The following GPR158 variants were observed in gnomAD, a reference collection of about 807,000 sequenced individuals.
The protein encoded by GPR158 is G protein-coupled receptor 158, also known as metabotropic glycine receptor.
A neutral mutation model predicts 78.2 loss-of-function variants in GPR158; 30 were observed. The observed-to-expected ratio is 0.38, with a 90% CI of 0.29 to 0.52. The LOEUF (loss-of-function observed/expected upper bound fraction) is 0.52, where lower values mean the gene tolerates loss of function less well. GPR158 is among the 20% of genes least tolerant of loss of function. GPR158 has a pLI of 0.83. For synonymous variants in GPR158, 581 were observed against 591.1 expected, an observed-to-expected ratio of 0.98 and a Z score of 0.25; for missense variants, 1,463 against 1,523.5, an observed-to-expected ratio of 0.96 and a Z score of 0.66.
chr10:25,542,463 G>A (rs1201205482), intron 5 of GPR158, among the ~76,000 whole-genome samples: 2 of 152,160 alleles, frequency 1.3e-5, no homozygotes, highest in Non-Finnish European at 2.9e-5. Context: ...GAGCAGAAAT[G>A]GTGGAGATTA....
chr10:25,378,106 T>C (rs1303774872), intron 2 of GPR158, among the ~76,000 whole-genome samples: 1 of 152,148 alleles, frequency 6.6e-6, no homozygotes. Context: ...GTTATTTTTT[T>C]AAAACTCTTA....
At chr10:25,493,599 G>A (rs1564470618) in intron 5 of GPR158, among the ~76,000 whole-genome samples, 1 of 152,136 alleles carries the variant, frequency 6.6e-6, no homozygotes, top group African/African-American at 2.4e-5. Flanking sequence ...GATAAACAGA[G>A]CAGAAATAAA....
intron 4 of GPR158, among the ~76,000 whole-genome samples, chr10:25,412,787 T>G (rs935812513): frequency 6.6e-6 from 1 of 152,218 alleles, no homozygotes; most frequent in African/African-American, 2.4e-5. Flanking sequence ...CAGCATCCAA[T>G]GTATTATTAA....
intron 1 of GPR158, 32 bp from the exon 2 acceptor site, chr10:25,221,020 A>C: frequency 5.5e-6 from 6 of 1,099,824 alleles, no homozygotes; most frequent in Non-Finnish European, 8.2e-6. Context: ...TGTCCAGATT[A>C]ATTTGTTCTT....
chr10:25,433,669 T>A (rs1476616122), intron 4 of GPR158, among the ~76,000 whole-genome samples: 1 of 148,394 alleles, frequency 6.7e-6, no homozygotes, highest in Non-Finnish European at 1.5e-5. Flanking sequence ...CTGAAGGGCA[T>A]TTTCCTTTCT....
chr10:25,552,369 G>T (rs917994814), intron 6 of GPR158, among the ~76,000 whole-genome samples: 2 of 152,022 alleles, frequency 1.3e-5, no homozygotes, highest in African/African-American at 4.8e-5. Flanking sequence ...TTTCCAGCTG[G>T]TGCTCACCAA....
chr10:25,506,033 C>T (rs545575661), intron 5 of GPR158, among the ~76,000 whole-genome samples: 23 of 152,302 alleles, frequency 1.5e-4, no homozygotes, highest in Admixed American at 1.2e-3. Context: ...CGGTATCTGA[C>T]ACATTTTAAG....
chr10:25,242,682 A>G (rs142139465), intron 2 of GPR158, among the ~76,000 whole-genome samples: 24 of 152,336 alleles, frequency 1.6e-4, no homozygotes, highest in Non-Finnish European at 3.2e-4. Context: ...ATTTAAGATT[A>G]ATATCAGAAT....
intron 3 of GPR158, among the ~76,000 whole-genome samples, chr10:25,410,564 C>G (rs775968926): frequency 6.6e-6 from 1 of 151,952 alleles, no homozygotes; most frequent in East Asian, 1.9e-4. Context: ...TGCAGTGAGC[C>G]GAGATGATGC....
At chr10:25,233,114 C>T (rs1390984129) in intron 2 of GPR158, among the ~76,000 whole-genome samples, 1 of 152,198 alleles carries the variant, frequency 6.6e-6, no homozygotes, top group African/African-American at 2.4e-5. Flanking sequence ...TAAACATGCT[C>T]AGAGGGACTT....
At chr10:25,461,015 C>G (rs1835352596) in intron 4 of GPR158, among the ~76,000 whole-genome samples, 1 of 152,154 alleles carries the variant, frequency 6.6e-6, no homozygotes, top group African/African-American at 2.4e-5. Context: ...CTTAAGTGAT[C>G]AATGTTGAAT....
At chr10:25,303,325 C>T (rs1404098064) in intron 2 of GPR158, among the ~76,000 whole-genome samples, 1 of 152,188 alleles carries the variant, frequency 6.6e-6, no homozygotes, top group Non-Finnish European at 1.5e-5. Context: ...AGGTTTAGGA[C>T]ATTTCCATTA....
chr10:25,395,277 A>G (rs1026313387), intron 2 of GPR158, among the ~76,000 whole-genome samples: 1 of 152,130 alleles, frequency 6.6e-6, no homozygotes, highest in African/African-American at 2.4e-5. Context: ...TCTTCCTTAT[A>G]TGTATATGTA....
chr10:25,445,061 G>A (rs1281586788), intron 4 of GPR158, among the ~76,000 whole-genome samples: 2 of 152,110 alleles, frequency 1.3e-5, no homozygotes, highest in Admixed American at 6.6e-5. Context: ...GGAATATAAA[G>A]TCTTTCTTAG....
chr10:25,579,565 AACCAGTG>A (rs985693130), intron 7 of GPR158, among the ~76,000 whole-genome samples: 2 of 152,250 alleles, frequency 1.3e-5, no homozygotes, highest in African/African-American at 4.8e-5. Flanking sequence ...ACTGAAGCGG[AACCAGTG>A]ACCAAGATAA....
intron 2 of GPR158, among the ~76,000 whole-genome samples, chr10:25,392,106 A>G (rs574886608): frequency 1.1e-4 from 17 of 152,174 alleles, no homozygotes; most frequent in Non-Finnish European, 1.9e-4. Flanking sequence ...CTGTGAGTCA[A>G]TTAAGACTCT....
chr10:25,471,548 C>A (rs1315842670), intron 5 of GPR158, among the ~76,000 whole-genome samples: 1 of 152,198 alleles, frequency 6.6e-6, no homozygotes, highest in Non-Finnish European at 1.5e-5. Context: ...CTGTCTTCCA[C>A]AATGGTTGAA....
intron 4 of GPR158, among the ~76,000 whole-genome samples, chr10:25,463,413 GGATGGATGGAT>G (rs758174605): frequency 3.2e-4 from 49 of 152,034 alleles, no homozygotes; most frequent in Non-Finnish European, 5.9e-4. Flanking sequence ...ATGGATGGAT[GGATGGATGGAT>G]GGATGGATGG....
intron 2 of GPR158, among the ~76,000 whole-genome samples, chr10:25,298,305 A>G (rs187849212): frequency 2.1e-3 from 314 of 152,278 alleles, no homozygotes; most frequent in African/African-American, 7.2e-3. Context: ...TTGACTTTAA[A>G]TAGTGTTACC....
Sources: gnomAD v4.1 joint callset for allele counts (sites outside exome capture counted in the v4.1 genomes callset) on GRCh38, gnomAD v4.1.1 for gene constraint, MANE v1.5 for transcripts, NCBI Gene and HGNC (gene_info 2026-07-23, HGNC 2026-07-21) for gene names.